TACR3: variants seen among roughly 807,000 people sequenced by gnomAD.
The protein encoded by TACR3 is tachykinin receptor 3, also known as neuromedin-K receptor.
Under a neutral mutation model 35.0 loss-of-function variants are expected in TACR3, and 34 were observed. The ratio of observed to expected loss-of-function variants is 0.97; its 90% CI spans 0.74 to 1.30. The LOEUF (loss-of-function observed/expected upper bound fraction) is 1.30, where lower values mean the gene tolerates loss of function less well. TACR3 is among the 50% of genes most tolerant of loss of function. TACR3 has a pLI of 0.00. For synonymous variants in TACR3, 233 were observed against 221.1 expected, an observed-to-expected ratio of 1.05 and a Z score of -0.48; for missense variants, 558 against 591.7, an observed-to-expected ratio of 0.94 and a Z score of 0.59.
At chr4:103,624,718 G>A (rs1486094501) in intron 3 of TACR3, among the ~76,000 whole-genome samples, 2 of 152,132 alleles carry the variant, frequency 1.3e-5, no homozygotes, top group Admixed American at 1.3e-4. Flanking sequence ...GTGTAACATG[G>A]TTTGTAAGAC....
chr4:103,693,097 C>A (rs557643132), intron 1 of TACR3, among the ~76,000 whole-genome samples: 1 of 152,268 alleles, frequency 6.6e-6, no homozygotes, highest in Non-Finnish European at 1.5e-5. Flanking sequence ...TTTTTCATTT[C>A]CTTTCACAAT....
chr4:103,695,670 C>T (rs745521051), intron 1 of TACR3, among the ~76,000 whole-genome samples: 12 of 151,428 alleles, frequency 7.9e-5, no homozygotes, highest in African/African-American at 1.5e-4. Flanking sequence ...CTAAGTCCTG[C>T]ATTGCTCAAG....
Position 103,687,774 on chromosome 4 carries a change from C to T in TACR3, c.549-29371G>A, listed in dbSNP as rs1237166140. On this transcript the variant is annotated intron_variant, in intron 1 of 4. Coordinates refer to ENST00000304883, the MANE Select transcript of TACR3 (RefSeq NM_001059.3). ...GATACAAACAAATGGAAGAACATTC[C>T]ATGCTCATGTATAGGAAGAATCAAT... Among the ~76,000 whole-genome samples, 10 of 152,142 alleles carry T rather than the reference C, an allele frequency of 6.6e-5. No individual in the cohort carries two copies. In the South Asian group the frequency reaches 8.3e-4, roughly 13 times the overall value.
chr4:103,676,430 T>G (rs987042979), intron 1 of TACR3, among the ~76,000 whole-genome samples: 1 of 152,186 alleles, frequency 6.6e-6, no homozygotes, highest in Non-Finnish European at 1.5e-5. Context: ...TAAGTTATCC[T>G]AACCTATATT....
chr4:103,660,289 T>C (rs1051731127), intron 1 of TACR3, among the ~76,000 whole-genome samples: 1 of 152,072 alleles, frequency 6.6e-6, no homozygotes, highest in Admixed American at 6.6e-5. Flanking sequence ...ATCATATTTG[T>C]CCTTTTGTGA....
chr4:103,591,691 G>A lies in TACR3; in HGVS notation c.889-8C>T. ...AATCATCATTTTGACAACCTATAAA[G>A]AAAAAAAGTCATTTTTGACAAATAT... On this transcript the variant is annotated splice_region_variant and splice_polypyrimidine_tract_variant and intron_variant, in intron 3 of 4. Coordinates refer to ENST00000304883, the MANE Select transcript of TACR3 (RefSeq NM_001059.3). The A allele has an allele frequency of 6.2e-7, 1 of 1,606,924 alleles. No homozygotes were observed. Among genetic ancestry groups the A allele is most frequent in the Non-Finnish European group, 8.5e-7 (1 of 1,176,754 alleles).
intron 1 of TACR3, among the ~76,000 whole-genome samples, chr4:103,690,474 TTCAATATACG>T (rs1422063949): frequency 1.3e-5 from 2 of 152,198 alleles, no homozygotes; most frequent in Non-Finnish European, 2.9e-5. Flanking sequence ...ACAAGAGACC[TTCAATATACG>T]TCAATATGCA....
intron 2 of TACR3, among the ~76,000 whole-genome samples, chr4:103,657,579 A>T (rs1368197312): frequency 6.6e-6 from 1 of 152,078 alleles, no homozygotes; most frequent in Non-Finnish European, 1.5e-5. Flanking sequence ...AAAAATAAGT[A>T]CATTATTAAA....
chr4:103,638,702 G>A (rs1418840100), intron 3 of TACR3, among the ~76,000 whole-genome samples: 1 of 152,164 alleles, frequency 6.6e-6, no homozygotes, highest in African/African-American at 2.4e-5. Context: ...CTGACAAAGG[G>A]CTACTATCCA....
chr4:103,650,056 C>T (rs1396655822), intron 3 of TACR3, among the ~76,000 whole-genome samples: 1 of 152,128 alleles, frequency 6.6e-6, no homozygotes, highest in Non-Finnish European at 1.5e-5. Context: ...GGGGGTACCA[C>T]ATACCTAGTA....
At chr4:103,606,134 T>C (rs1376444856) in intron 3 of TACR3, among the ~76,000 whole-genome samples, 1 of 151,956 alleles carries the variant, frequency 6.6e-6, no homozygotes, top group African/African-American at 2.4e-5. Flanking sequence ...CAGATAGTTG[T>C]AGATATGTGG....
At chr4:103,710,675 A>T (rs1385653381) in intron 1 of TACR3, among the ~76,000 whole-genome samples, 1 of 152,146 alleles carries the variant, frequency 6.6e-6, no homozygotes, top group Non-Finnish European at 1.5e-5. Context: ...GACACAAAAA[A>T]CCCTTCAAAA....
chr4:103,681,156 A>C (rs1722078270), intron 1 of TACR3, among the ~76,000 whole-genome samples: 1 of 152,066 alleles, frequency 6.6e-6, no homozygotes, highest in African/African-American at 2.4e-5. Context: ...TACCAAATTC[A>C]AGATAAAATG....
At chr4:103,655,227 A>C (rs981026616) in intron 3 of TACR3, among the ~76,000 whole-genome samples, 2 of 152,266 alleles carry the variant, frequency 1.3e-5, no homozygotes, top group African/African-American at 4.8e-5. Context: ...CATTTTGTAC[A>C]TTGCATTTTT....
In TACR3 at chr4:103,589,634, C is replaced by A. The variant is rs770942908; in HGVS notation, c.*48G>T. The A allele has an allele frequency of 8.7e-6, 14 of 1,607,514 alleles. No homozygotes were observed. Among genetic ancestry groups the A allele is most frequent in the Non-Finnish European group, 1.2e-5 (14 of 1,174,836 alleles). On this transcript the variant is annotated 3_prime_UTR_variant, in exon 5 of 5. Transcript: ENST00000304883. ...GTAAATAGGAGAATGGGGTCCTAGA[C>A]TGGCACCATGATGGTCTCACACTAA...
chr4:103,595,528 G>T (rs1723985525), intron 3 of TACR3, among the ~76,000 whole-genome samples: 1 of 152,028 alleles, frequency 6.6e-6, no homozygotes, highest in African/African-American at 2.4e-5. Context: ...GTATCAAAGG[G>T]GAAAGATCTT....
At chr4:103,610,595 G>T (rs1468140247) in intron 3 of TACR3, among the ~76,000 whole-genome samples, 12 of 152,016 alleles carry the variant, frequency 7.9e-5, no homozygotes, top group Non-Finnish European at 1.5e-5. Flanking sequence ...TCACTCTGTT[G>T]ATTATTTCCT....
At chr4:103,670,735 T>C (rs1358842612) in intron 1 of TACR3, among the ~76,000 whole-genome samples, 3 of 152,082 alleles carry the variant, frequency 2.0e-5, no homozygotes, top group Non-Finnish European at 4.4e-5. Context: ...CTTTAGGTTT[T>C]CTAAATATAA....
intron 3 of TACR3, among the ~76,000 whole-genome samples, chr4:103,630,626 A>G (rs1396645895): frequency 4.6e-5 from 7 of 152,210 alleles, no homozygotes; most frequent in Admixed American, 6.5e-5. Flanking sequence ...CACAACCACA[A>G]TGAGATACCA....
Sources: gnomAD v4.1 joint callset for allele counts (sites outside exome capture counted in the v4.1 genomes callset) on GRCh38, gnomAD v4.1.1 for gene constraint, MANE v1.5 for transcripts, NCBI Gene and HGNC (gene_info 2026-07-23, HGNC 2026-07-21) for gene names.